POU2AF2: variants seen among roughly 807,000 people sequenced by gnomAD.
The protein encoded by POU2AF2 is POU class 2 homeobox associating factor 2, also known as POU domain class 2-associating factor 2.
At chr11:111,254,798 T>G in the POU2AF2 span, among the ~76,000 whole-genome samples, 3 of 152,228 alleles carry the variant, frequency 2.0e-5, no homozygotes, top group Non-Finnish European at 4.4e-5. Context: ...TACATTTGTT[T>G]TTATATTCTG....
At chr11:111,257,391 G>A in the POU2AF2 span, among the ~76,000 whole-genome samples, 1 of 145,436 alleles carries the variant, frequency 6.9e-6, no homozygotes, top group Admixed American at 7.0e-5. Context: ...ATGGAGTCTC[G>A]CACTGTTGCC....
the POU2AF2 span, among the ~76,000 whole-genome samples, chr11:111,252,331 G>T: frequency 2.0e-5 from 3 of 152,174 alleles, no homozygotes; most frequent in African/African-American, 4.8e-5. Context: ...CACCTGGAAG[G>T]CTAGGCCCCA....
At chr11:111,284,156 T>C in the POU2AF2 span, 1 of 1,614,164 alleles carries the variant, frequency 6.2e-7, no homozygotes, top group South Asian at 1.1e-5. Context: ...TAAACAGTTT[T>C]CAAATGACGT....
At chr11:111,281,858 T>C in the POU2AF2 span, among the ~76,000 whole-genome samples, 400 of 152,318 alleles carry the variant, frequency 2.6e-3, 1 homozygote, top group African/African-American at 8.6e-3. Context: ...CCTGTGGGGA[T>C]GTAAAAGGGG....
At chr11:111,268,663 A>T in the POU2AF2 span, among the ~76,000 whole-genome samples, 3 of 151,618 alleles carry the variant, frequency 2.0e-5, no homozygotes, top group Non-Finnish European at 4.4e-5. Context: ...GATCCCAAGT[A>T]GCTGGGACTA....
the POU2AF2 span, among the ~76,000 whole-genome samples, chr11:111,273,059 A>G: frequency 6.6e-6 from 1 of 152,214 alleles, no homozygotes; most frequent in Admixed American, 6.6e-5. Flanking sequence ...TAACTCAGAT[A>G]AGTGGCCTAT....
the POU2AF2 span, among the ~76,000 whole-genome samples, chr11:111,276,456 ATATATATATATAT>A: frequency 2.5e-3 from 93 of 36,582 alleles, 1 homozygote; most frequent in Middle Eastern, 0.024. Flanking sequence ...AAAAAAAAAT[ATATATATATATAT>A]ATATATATAT....
At chr11:111,276,133 C>T in the POU2AF2 span, among the ~76,000 whole-genome samples, 13 of 151,764 alleles carry the variant, frequency 8.6e-5, no homozygotes, top group East Asian at 5.8e-4. Context: ...AATTTATGAA[C>T]GACATGAATC....
At chr11:111,276,893 CA>C in the POU2AF2 span, among the ~76,000 whole-genome samples, 1 of 151,802 alleles carries the variant, frequency 6.6e-6, no homozygotes, top group Non-Finnish European at 1.5e-5. Flanking sequence ...AGGAATTTTC[CA>C]AAAAATTACT....
the POU2AF2 span, among the ~76,000 whole-genome samples, chr11:111,264,608 G>A: frequency 1.3e-4 from 11 of 85,968 alleles, 1 homozygote; most frequent in African/African-American, 3.0e-4. Context: ...AGAAAGAGAC[G>A]AAAGAAAGAA....
the POU2AF2 span, among the ~76,000 whole-genome samples, chr11:111,268,287 C>G: frequency 6.6e-6 from 1 of 152,120 alleles, no homozygotes; most frequent in Non-Finnish European, 1.5e-5. Context: ...ACTGCAATTA[C>G]AGGAAATACG....
chr11:111,285,789 G>T, the POU2AF2 span: 9 of 1,610,890 alleles, frequency 5.6e-6, no homozygotes, highest in East Asian at 2.2e-5. Context: ...CAGCACAGGG[G>T]CTCAAGCTGG....
chr11:111,245,820 C>T, the POU2AF2 span: 1 of 398,892 alleles, frequency 2.5e-6, no homozygotes, highest in South Asian at 1.3e-4. Flanking sequence ...TTCTGCACTG[C>T]TGTTAAGAAG....
chr11:111,271,834 G>A, the POU2AF2 span, among the ~76,000 whole-genome samples: 1 of 151,982 alleles, frequency 6.6e-6, no homozygotes. Flanking sequence ...CCAACATGGT[G>A]AAACCCCGTC....
chr11:111,284,835 C>A, the POU2AF2 span, among the ~76,000 whole-genome samples: 39 of 152,152 alleles, frequency 2.6e-4, no homozygotes, highest in Non-Finnish European at 5.3e-4. Flanking sequence ...CCCTTCCCCA[C>A]ATTTTTAGCC....
chr11:111,280,163 G>T, the POU2AF2 span, among the ~76,000 whole-genome samples: 859 of 150,082 alleles, frequency 5.7e-3, 7 homozygotes, highest in African/African-American at 0.02. Context: ...TTTGAAGATT[G>T]TGTCTTCATT....
the POU2AF2 span, among the ~76,000 whole-genome samples, chr11:111,249,432 T>G: frequency 6.6e-6 from 1 of 152,222 alleles, no homozygotes; most frequent in Non-Finnish European, 1.5e-5. Context: ...TTGTTCAAAT[T>G]TACTTTAATT....
the POU2AF2 span, among the ~76,000 whole-genome samples, chr11:111,270,131 C>T: frequency 1.3e-5 from 2 of 152,194 alleles, no homozygotes; most frequent in African/African-American, 2.4e-5. Flanking sequence ...TCTTGTCCTA[C>T]ATCCCAAAGG....
At chr11:111,256,440 T>C in the POU2AF2 span, among the ~76,000 whole-genome samples, 133 of 152,378 alleles carry the variant, frequency 8.7e-4, no homozygotes, top group Admixed American at 2.7e-3. Flanking sequence ...TCCTATTCCC[T>C]CATAACTGGA....
Sources: gnomAD v4.1 joint callset for allele counts (sites outside exome capture counted in the v4.1 genomes callset) on GRCh38, gnomAD v4.1.1 for gene constraint, MANE v1.5 for transcripts, NCBI Gene and HGNC (gene_info 2026-07-23, HGNC 2026-07-21) for gene names.